CCDC174: variants seen among roughly 807,000 people sequenced by gnomAD.
CCDC174 encodes the protein coiled-coil domain-containing protein 174.
In CCDC174, 37 loss-of-function variants were observed where a neutral mutation model predicts 57.1. The observed-to-expected ratio is 0.65, with a 90% CI of 0.50 to 0.85. The LOEUF (loss-of-function observed/expected upper bound fraction) is 0.85, where lower values mean the gene tolerates loss of function less well. CCDC174 is among the 40% of genes least tolerant of loss of function. The pLI is 0.00. For synonymous variants in CCDC174, 182 were observed against 190.2 expected (o/e 0.96, Z 0.35); for missense variants, 540 against 574.3 (o/e 0.94, Z 0.61).
intron 5 of CCDC174, 43 bp downstream of exon 5, chr3:14,661,750 T>G (rs1362618738): frequency 6.6e-7 from 1 of 1,522,026 alleles, no homozygotes; most frequent in Non-Finnish European, 8.9e-7. Context: ...ATCCTCAGAC[T>G]TGCGCTGACA....
chr3:14,651,996 C>CA, intron 1 of CCDC174, 118 bp downstream of exon 1: 1 of 964,730 alleles, frequency 1.0e-6, no homozygotes, highest in Non-Finnish European at 1.6e-6. Flanking sequence ...CCTCTCCCCT[C>CA]AAACAGGAAC....
chr3:14,658,840 A>G, intron 3 of CCDC174, 31 bp from the exon 4 acceptor site: 1 of 1,537,078 alleles, frequency 6.5e-7, no homozygotes, highest in Non-Finnish European at 8.9e-7. Flanking sequence ...TTATAAGACC[A>G]TTTCTAATAC....
intron 10 of CCDC174, 95 bp from the exon 11 acceptor site, chr3:14,670,801 T>A (rs1366085114): frequency 3.6e-6 from 4 of 1,125,070 alleles, no homozygotes; most frequent in Non-Finnish European, 3.7e-6. Flanking sequence ...TTGTGGTGGC[T>A]TTTAAGAAAT....
At chr3:14,661,161 A>G (rs2031121492) in intron 4 of CCDC174, among the ~76,000 whole-genome samples, 1 of 152,246 alleles carries the variant, frequency 6.6e-6, no homozygotes, top group Non-Finnish European at 1.5e-5. Context: ...TAAAGCAAGA[A>G]GTTCTACTGT....
intron 3 of CCDC174, 77 bp downstream of exon 3, chr3:14,655,706 C>A: frequency 1.1e-6 from 1 of 889,776 alleles, no homozygotes; most frequent in East Asian, 2.7e-5. Context: ...AAATTTTGTC[C>A]TTTTTGATTT....
intron 6 of CCDC174, 80 bp downstream of exon 6, chr3:14,665,203 T>C (rs1201037574): frequency 1.1e-6 from 1 of 935,448 alleles, no homozygotes; most frequent in African/African-American, 1.6e-5. Flanking sequence ...GAGGCTGTTT[T>C]ATAATTAATG....
At position 14,671,200 on chromosome 3, in the gene CCDC174, C is replaced by G. The variant is rs1024920718; in HGVS notation, c.*6C>G. On this transcript the variant is annotated 3_prime_UTR_variant, in exon 11 of 11. Transcript: ENST00000383794. The stretch of plus-strand genomic sequence containing the variant: ...ATTACAAACAAGTGACATGATCTTT[C>G]AAAGCACGCTGACTTGGGTTTGTAC... 9.4e-6 allele frequency: 15 copies of G among 1,601,278 alleles called. No homozygotes were observed. The highest frequency in any genetic ancestry group is 1.2e-5 in the Non-Finnish European group (14 of 1,171,586).
intron 4 of CCDC174, 88 bp from the exon 5 acceptor site, chr3:14,661,442 G>A: frequency 8.9e-7 from 1 of 1,126,202 alleles, no homozygotes; most frequent in Non-Finnish European, 1.3e-6. Context: ...GGGTGATGGG[G>A]CCACCAGGCA....
At chr3:14,665,230 TA>T in intron 6 of CCDC174, 107 bp downstream of exon 6, 1 of 761,918 alleles carries the variant, frequency 1.3e-6, no homozygotes. Flanking sequence ...GTTGCTCCAG[TA>T]AGGAGATATT....
intron 7 of CCDC174, chr3:14,667,210 CTT>C (rs2124847327): frequency 3.2e-6 from 2 of 616,408 alleles, no homozygotes; most frequent in East Asian, 5.6e-5. Context: ...CAAACGAACC[CTT>C]GTTATGCTTC....
In CCDC174 at chr3:14,668,081, A is replaced by G; in HGVS notation, c.852A>G (p.Ile284Met). The change falls in exon 9 of 11, where the codon ATA becomes ATG. Residue 284 changes from isoleucine to methionine, a missense_variant. Transcript: ENST00000383794. ...ATCAGAGAACAAAACGAGAAAACATAAAGGAAAAGCGAAAGGCTATCTTAG... is the reference window on the plus strand; with the variant it reads ...ATCAGAGAACAAAACGAGAAAACATGAAGGAAAAGCGAAAGGCTATCTTAG... Reference protein sequence around the residue: ...TTDQRTKRENIKEKRKAILEA... With the variant: ...TTDQRTKRENMKEKRKAILEA... 2 of 1,603,030 alleles carry G rather than the reference A, an allele frequency of 1.2e-6. No homozygotes were observed. The highest frequency in any genetic ancestry group is 1.7e-6 in the Non-Finnish European group (2 of 1,176,548).
At chr3:14,656,172 A>G (rs2030953507) in intron 3 of CCDC174, among the ~76,000 whole-genome samples, 1 of 152,088 alleles carries the variant, frequency 6.6e-6, no homozygotes, top group African/African-American at 2.4e-5. Context: ...TAACCACAAT[A>G]CCGCTATCAA....
chr3:14,659,556 G>T (rs1166263287), intron 4 of CCDC174, among the ~76,000 whole-genome samples: 2 of 152,056 alleles, frequency 1.3e-5, no homozygotes, highest in Non-Finnish European at 2.9e-5. Flanking sequence ...TGGACATGGT[G>T]GTTCATGCCT....
At chr3:14,661,878 G>T in intron 5 of CCDC174, 171 bp downstream of exon 5, 1 of 558,290 alleles carries the variant, frequency 1.8e-6, no homozygotes, top group South Asian at 2.7e-5. Flanking sequence ...TGTAAAAACA[G>T]TAGCTCAAAT....
At chr3:14,659,077 C>G in intron 4 of CCDC174, 148 bp downstream of exon 4, 1 of 797,234 alleles carries the variant, frequency 1.3e-6, no homozygotes, top group Non-Finnish European at 1.8e-6. Flanking sequence ...ACAAGAAAAT[C>G]AGCAATAATT....
intron 8 of CCDC174, 112 bp from the exon 9 acceptor site, chr3:14,667,937 G>T: frequency 1.0e-6 from 1 of 998,848 alleles, no homozygotes; most frequent in Non-Finnish European, 1.5e-6. Context: ...GCTTCTTAGA[G>T]GTGGCCTGAA....
intron 5 of CCDC174, among the ~76,000 whole-genome samples, chr3:14,662,355 A>G (rs3936360): frequency 0.77 from 110,545 of 142,680 alleles, 42,642 homozygotes; most frequent in South Asian, 0.82. Flanking sequence ...TTCAAGAAGT[A>G]AGTGTTCCAG....
chr3:14,652,890 G>T (rs1308242958), intron 1 of CCDC174, among the ~76,000 whole-genome samples: 2 of 123,432 alleles, frequency 1.6e-5, no homozygotes, highest in South Asian at 2.9e-4. Flanking sequence ...CAACAAGAGC[G>T]AAACTCCGTC....
chr3:14,659,296 T>C (rs1307779680), intron 4 of CCDC174, among the ~76,000 whole-genome samples: 2 of 126,052 alleles, frequency 1.6e-5, no homozygotes, highest in African/African-American at 5.9e-5. Context: ...TGGGTTGGGC[T>C]GGGTGGAATT....
Sources: allele counts gnomAD v4.1 joint callset (sites outside exome capture counted in the v4.1 genomes callset), GRCh38; gene constraint gnomAD v4.1.1; transcripts MANE v1.5; gene names NCBI Gene and HGNC (gene_info 2026-07-23, HGNC 2026-07-21).